PDGFD: variants seen among roughly 807,000 people sequenced by gnomAD.
PDGFD encodes the protein platelet derived growth factor D.
Under a neutral mutation model 44.7 loss-of-function variants are expected in PDGFD, and 30 were observed. The observed-to-expected ratio is 0.67, with a 90% CI of 0.50 to 0.91. The LOEUF (loss-of-function observed/expected upper bound fraction) is 0.91. Ranked by LOEUF, PDGFD falls within the 40% of genes least tolerant of loss-of-function variation. The pLI, the probability that PDGFD is intolerant of heterozygous loss-of-function variation, is 0.00. For missense variants in PDGFD, 445 were observed against 457.8 expected, an observed-to-expected ratio of 0.97 and a Z score of 0.25; for synonymous variants, 173 against 168.4, an observed-to-expected ratio of 1.03 and a Z score of -0.21.
intron 3 of PDGFD, among the ~76,000 whole-genome samples, chr11:103,971,230 C>G (rs1359585737): frequency 2.6e-5 from 4 of 151,982 alleles, no homozygotes; most frequent in African/African-American, 9.7e-5. Flanking sequence ...AGTTAATGTT[C>G]TGGGCTTGCT....
At chr11:104,044,285 G>A (rs10750683) in intron 1 of PDGFD, among the ~76,000 whole-genome samples, 1 of 151,880 alleles carries the variant, frequency 6.6e-6, no homozygotes, top group South Asian at 2.1e-4. Context: ...TTAGTCTAAC[G>A]ATCATAAGTT....
Position 103,943,435 on chromosome 11 carries a change from A to G in PDGFD, c.772+17T>C. Reference sequence around the variant, plus strand: ...TTCTATGTGCTTATGAAGAATGTACAAGTGTCTGTCTCTTACCTTTTGACT... The same window carrying G: ...TTCTATGTGCTTATGAAGAATGTACGAGTGTCTGTCTCTTACCTTTTGACT... On this transcript the variant is annotated intron_variant, in intron 5 of 6. Coordinates refer to ENST00000393158, the MANE Select transcript of PDGFD (RefSeq NM_025208.5). 2 of 1,602,608 alleles carry G rather than the reference A, an allele frequency of 1.2e-6. No individual in the cohort carries two copies. The highest frequency in any genetic ancestry group is 1.7e-6 in the Non-Finnish European group (2 of 1,171,812).
At chr11:104,094,046 G>C (rs1038547063) in intron 1 of PDGFD, among the ~76,000 whole-genome samples, 1 of 151,226 alleles carries the variant, frequency 6.6e-6, no homozygotes, top group Non-Finnish European at 1.5e-5. Context: ...TTCAGCCTCC[G>C]CCACTCCACC....
At chr11:104,040,739 C>T (rs1303028800) in intron 1 of PDGFD, among the ~76,000 whole-genome samples, 2 of 151,832 alleles carry the variant, frequency 1.3e-5, no homozygotes, top group Admixed American at 1.3e-4. Flanking sequence ...CAACAAACTA[C>T]ATTTTACATT....
intron 3 of PDGFD, among the ~76,000 whole-genome samples, chr11:103,981,843 T>C (rs1188489167): frequency 6.6e-6 from 1 of 151,750 alleles, no homozygotes. Context: ...CTGCTGTCCA[T>C]GAGGAAGGCC....
At chr11:104,065,520 T>A (rs571608173) in intron 1 of PDGFD, among the ~76,000 whole-genome samples, 4 of 152,222 alleles carry the variant, frequency 2.6e-5, no homozygotes, top group African/African-American at 9.6e-5. Context: ...TAACAGTTAC[T>A]GGCAAATAAA....
chr11:104,037,600 G>A, intron 1 of PDGFD: 1 of 1,614,116 alleles, frequency 6.2e-7, no homozygotes, highest in Non-Finnish European at 8.5e-7. Context: ...GGCTTTTGTT[G>A]ACTCGGGCGC....
Position 104,000,234 on chromosome 11 carries a change from A to C in PDGFD, c.146T>G (p.Leu49Trp). The C allele has an allele frequency of 6.2e-7, 1 of 1,613,996 alleles. No individual in the cohort carries two copies. The highest frequency in any genetic ancestry group is 1.3e-5 in the African/African-American group (1 of 75,028). Reference protein sequence around the residue: ...RRDESNHLTDLYRRDETIQVK... With the variant: ...RRDESNHLTDWYRRDETIQVK... ...CTGGATGGTCTCATCTCTTCGGTAC[A>C]AGTCTGTGAGGTGATTGCTCTCTGT... Residue 49 changes from leucine (L) to tryptophan (W), a missense_variant, in exon 2 of 7, where the codon TTG (leucine) becomes TGG (tryptophan). By Grantham distance (61) the Leu-to-Trp change is moderately conservative. Coordinates refer to ENST00000393158, the MANE Select transcript of PDGFD (RefSeq NM_025208.5).
chr11:103,946,295 T>C (rs1410314902), intron 4 of PDGFD, among the ~76,000 whole-genome samples: 1 of 152,210 alleles, frequency 6.6e-6, no homozygotes, highest in Non-Finnish European at 1.5e-5. Context: ...GAAACTAGCT[T>C]GGTCTTACAA....
At chr11:104,035,561 CT>C (rs3050598) in intron 1 of PDGFD, among the ~76,000 whole-genome samples, 24,956 of 114,554 alleles carry the variant, frequency 0.22, 1,550 homozygotes, top group East Asian at 0.3. Flanking sequence ...ACTTCTTTTT[CT>C]TTTTTTTTTT....
chr11:104,111,103 T>C (rs185625908), intron 1 of PDGFD, among the ~76,000 whole-genome samples: 1 of 152,010 alleles, frequency 6.6e-6, no homozygotes, highest in Non-Finnish European at 1.5e-5. Context: ...ATAACACTGA[T>C]TATAACTACA....
At chr11:103,975,334 G>C (rs1859167855) in intron 3 of PDGFD, among the ~76,000 whole-genome samples, 1 of 152,086 alleles carries the variant, frequency 6.6e-6, no homozygotes, top group East Asian at 1.9e-4. Context: ...TTTTGATGGG[G>C]TTGTTTGTTT....
intron 1 of PDGFD, among the ~76,000 whole-genome samples, chr11:104,129,217 T>G (rs1336917190): frequency 6.8e-6 from 1 of 147,486 alleles, no homozygotes; most frequent in African/African-American, 2.5e-5. Flanking sequence ...ACTGTCATCA[T>G]CTTTTTTTTT....
rs12798294 is a variant in PDGFD at position 103,986,968 on chromosome 11, G to A, written c.510+9097C>T. 4.6e-5 allele frequency among the ~76,000 whole-genome samples: 7 copies of A among 151,850 alleles called. No homozygotes were observed. In the South Asian group the frequency reaches 1.2e-3, roughly 27 times the overall value. ...TCAATAAACTGGTTCATCTGGCCTC[G>A]TGGTCCGCAACCAGGAACTGACTGA... On this transcript the variant is annotated intron_variant, in intron 3 of 6. Transcript: ENST00000393158.
chr11:104,145,631 T>C (rs1862150957), intron 1 of PDGFD, among the ~76,000 whole-genome samples: 1 of 152,220 alleles, frequency 6.6e-6, no homozygotes, highest in African/African-American at 2.4e-5. Flanking sequence ...TATAGGGAGC[T>C]CTTTAGGCCT....
chr11:104,118,923 A>G (rs1300072477), intron 1 of PDGFD, among the ~76,000 whole-genome samples: 1 of 88,524 alleles, frequency 1.1e-5, no homozygotes, highest in East Asian at 3.2e-4. Context: ...TATACATAAT[A>G]TATTATTATA....
chr11:104,014,798 C>T (rs1036764020), intron 1 of PDGFD, among the ~76,000 whole-genome samples: 1 of 152,070 alleles, frequency 6.6e-6, no homozygotes, highest in Admixed American at 6.6e-5. Context: ...TCCCTGGGAG[C>T]CCATATATTA....
At chr11:103,915,899 C>G (rs765226133) in intron 6 of PDGFD, among the ~76,000 whole-genome samples, 4 of 152,118 alleles carry the variant, frequency 2.6e-5, no homozygotes, top group Non-Finnish European at 2.9e-5. Context: ...ATGCAGAAAG[C>G]TGAAACTGGA....
At chr11:104,135,628 A>G (rs912560205) in intron 1 of PDGFD, among the ~76,000 whole-genome samples, 3 of 152,136 alleles carry the variant, frequency 2.0e-5, no homozygotes, top group African/African-American at 7.2e-5. Flanking sequence ...AAGGTATCTG[A>G]TCAAATTTCT....
Sources: allele counts gnomAD v4.1 joint callset (sites outside exome capture counted in the v4.1 genomes callset), GRCh38; gene constraint gnomAD v4.1.1; transcripts MANE v1.5; gene names NCBI Gene and HGNC (gene_info 2026-07-23, HGNC 2026-07-21).